The following ANO1 variants were observed in gnomAD, a reference collection of about 807,000 sequenced individuals.
The protein encoded by ANO1 is anoctamin-1.
A neutral mutation model predicts 124.0 loss-of-function variants in ANO1; 59 were observed. That is an observed-to-expected ratio of 0.48 (90% CI 0.39 to 0.59). ANO1 has a LOEUF of 0.59. Ranked by LOEUF, ANO1 falls within the 20% of genes least tolerant of loss-of-function variation. The pLI is 0.00. For synonymous variants in ANO1, 529 were observed against 532.0 expected, an observed-to-expected ratio of 0.99 and a Z score of 0.08; for missense variants, 1,059 against 1,328.0, an observed-to-expected ratio of 0.80 and a Z score of 3.15.
chr11:70,018,989 G>A (rs1171591904), intron 1 of ANO1, among the ~76,000 whole-genome samples: 1 of 152,250 alleles, frequency 6.6e-6, no homozygotes, highest in Non-Finnish European at 1.5e-5. Flanking sequence ...AGAAAATCCT[G>A]CGGCAATAAG....
At chr11:70,108,529 T>C (rs2045648987) in intron 6 of ANO1, 125 bp downstream of exon 6, 2 of 1,080,674 alleles carry the variant, frequency 1.9e-6, no homozygotes, top group Non-Finnish European at 2.7e-6. Flanking sequence ...TTTAAGCCTG[T>C]GTAACAGTTC....
chr11:70,097,027 G>A (rs1026918906), intron 2 of ANO1, among the ~76,000 whole-genome samples: 2 of 152,142 alleles, frequency 1.3e-5, no homozygotes, highest in Non-Finnish European at 2.9e-5. Context: ...TTCTTTTCCT[G>A]TGGTGCATTC....
intron 11 of ANO1, among the ~76,000 whole-genome samples, chr11:70,142,396 G>T (rs990323001): frequency 1.3e-5 from 2 of 152,184 alleles, no homozygotes; most frequent in African/African-American, 4.8e-5. Flanking sequence ...GTGATCGTCT[G>T]CGGGAACTAA....
chr11:70,184,595 G>C (rs1034001942), intron 24 of ANO1, among the ~76,000 whole-genome samples: 4 of 152,244 alleles, frequency 2.6e-5, no homozygotes, highest in Non-Finnish European at 5.9e-5. Context: ...CCCAGACCCG[G>C]GTAGGGCAGG....
chr11:70,087,364 T>G (rs951457546), intron 1 of ANO1, among the ~76,000 whole-genome samples: 5 of 152,142 alleles, frequency 3.3e-5, no homozygotes, highest in African/African-American at 1.2e-4. Flanking sequence ...AAATACTAGG[T>G]CTTATTCTTT....
At chr11:69,986,673 G>A (rs1856049343) in intron 1 of ANO1, among the ~76,000 whole-genome samples, 1 of 152,090 alleles carries the variant, frequency 6.6e-6, no homozygotes, top group African/African-American at 2.4e-5. Context: ...TTAGAGAGCC[G>A]GAGACAAATG....
chr11:70,118,057 C>G, intron 8 of ANO1, among the ~76,000 whole-genome samples: 1 of 152,166 alleles, frequency 6.6e-6, no homozygotes, highest in Admixed American at 6.5e-5. Context: ...AGTCCAGCCC[C>G]CTTCATCCCT....
At chr11:70,032,725 G>C (rs1320840367) in intron 1 of ANO1, among the ~76,000 whole-genome samples, 3 of 152,158 alleles carry the variant, frequency 2.0e-5, no homozygotes, top group African/African-American at 7.2e-5. Flanking sequence ...AACCTCATCT[G>C]TTCATCTGGG....
chr11:70,016,191 CT>C (rs1201052067), intron 1 of ANO1, among the ~76,000 whole-genome samples: 3 of 151,992 alleles, frequency 2.0e-5, no homozygotes, highest in Non-Finnish European at 4.4e-5. Flanking sequence ...CCACGCCCAG[CT>C]AATTTTTGTA....
At position 70,010,179 on chromosome 11, in the gene ANO1, G is replaced by GTGTATATATATATATATATA; in HGVS notation, c.58+24014_58+24015insGTATATATATATATATATAT. Among the ~76,000 whole-genome samples, 14 of 83,806 alleles carry GTGTATATATATATATATATA rather than the reference G, an allele frequency of 1.7e-4. 1 individual carries two copies. The highest frequency in any genetic ancestry group is 1.0e-3 in the Admixed American group (8 of 7,934). 55.0% of individuals were successfully genotyped at this position (83,806 alleles called of 152,430 possible). Reference sequence around the variant, plus strand: ...TGTGTGTGTGTGCGCGTGTGTGTGTGTATATATATATATATATATCACATT... The same window carrying GTGTATATATATATATATATA: ...TGTGTGTGTGTGCGCGTGTGTGTGTGTGTATATATATATATATATATATATATATATATATATATCACATT... On this transcript the variant is annotated intron_variant, in intron 1 of 27. Coordinates refer to the ANO1 transcript ENST00000531349.
Position 70,182,487 on chromosome 11 carries a change from A to G in ANO1, c.2404-15A>G, listed in dbSNP as rs377379382. On this transcript the variant is annotated splice_polypyrimidine_tract_variant and intron_variant, in intron 23 of 25. Coordinates refer to ENST00000355303, the MANE Select transcript of ANO1 (RefSeq NM_018043.7). ...CAGGCTGGGGGTCCCCCTCACTGCC[A>G]TGTCCCCTGCACAGGCCTTCGTGAT... 42 of 1,522,142 alleles carry G rather than the reference A, an allele frequency of 2.8e-5. No homozygotes were observed. The highest frequency in any genetic ancestry group is 3.7e-5 in the Non-Finnish European group (42 of 1,132,646). The allele number at this position is 1,522,142 out of a possible 1,614,324, so 94.3% of individuals were successfully genotyped here. A position where few individuals can be genotyped will look rare whatever the true frequency, so the allele number is the denominator to read the frequency against.
chr11:70,082,214 G>GCATTCATT (rs10701305), intron 1 of ANO1, among the ~76,000 whole-genome samples: 3 of 152,046 alleles, frequency 2.0e-5, no homozygotes, highest in African/African-American at 7.2e-5. Context: ...ACACATGCCT[G>GCATTCATT]CATTCATTCA....
At chr11:70,076,008 G>GCAGA (rs2044051987), upstream of ANO1, among the ~76,000 whole-genome samples, 1 of 152,234 alleles carries the variant, frequency 6.6e-6, no homozygotes, top group African/African-American at 2.4e-5. Flanking sequence ...AGGCCTGGAG[G>GCAGA]CAGAACTGGT....
chr11:70,126,387 C>G (rs1260952524), intron 10 of ANO1, among the ~76,000 whole-genome samples, 192 bp downstream of exon 10: 1 of 152,246 alleles, frequency 6.6e-6, no homozygotes, highest in Non-Finnish European at 1.5e-5. Flanking sequence ...GAGTCCTTCT[C>G]AGGCCCATCT....
intron 7 of ANO1, 107 bp from the exon 8 acceptor site, chr11:70,116,351 T>C: frequency 8.7e-7 from 1 of 1,145,564 alleles, no homozygotes; most frequent in East Asian, 2.6e-5. Context: ...GATCTTAATT[T>C]GTGTCAACGA....
At chr11:70,170,466 C>A (rs1444986512) in intron 21 of ANO1, among the ~76,000 whole-genome samples, 1 of 152,154 alleles carries the variant, frequency 6.6e-6, no homozygotes, top group Non-Finnish European at 1.5e-5. Flanking sequence ...GTGGTGCATG[C>A]CTGTGGTCCC....
At chr11:70,126,781 C>T (rs983046169) in intron 10 of ANO1, among the ~76,000 whole-genome samples, 3 of 145,208 alleles carry the variant, frequency 2.1e-5, no homozygotes, top group South Asian at 2.3e-4. Flanking sequence ...CTGGCACTTG[C>T]GGGAGGTGAG....
chr11:70,173,025 C>G (rs1039198574), intron 22 of ANO1, among the ~76,000 whole-genome samples: 1 of 152,164 alleles, frequency 6.6e-6, no homozygotes, highest in South Asian at 2.1e-4. Flanking sequence ...GCTCCTTGAT[C>G]CACACCTTGG....
rs555821584 is a variant in ANO1 at position 70,120,097 on chromosome 11, C to T, written c.897+3598C>T. ...GTTCTAATCAGTGGCAGGAGCCCCA[C>T]GTGCCTGACCCTGGATACCTCACAG... On this transcript the variant is annotated intron_variant, in intron 8 of 25. Transcript: ENST00000355303. 2.0e-5 allele frequency among the ~76,000 whole-genome samples: 3 copies of T among 152,186 alleles called. No homozygotes were observed. In the South Asian group the frequency reaches 6.2e-4, roughly 32 times the overall value.
Sources: gnomAD v4.1 joint callset for allele counts (sites outside exome capture counted in the v4.1 genomes callset) on GRCh38, gnomAD v4.1.1 for gene constraint, MANE v1.5 for transcripts, NCBI Gene and HGNC (gene_info 2026-07-23, HGNC 2026-07-21) for gene names.